C1orf21: variants seen among roughly 807,000 people sequenced by gnomAD.
C1orf21 encodes uncharacterized protein C1orf21.
In C1orf21, 3 loss-of-function variants were observed where a neutral mutation model predicts 18.7. The observed-to-expected ratio is 0.16, with a 90% CI of 0.07 to 0.42. The LOEUF is 0.42. C1orf21 is among the 10% of genes least tolerant of loss of function. C1orf21 has a pLI of 0.99. For synonymous variants in C1orf21, 41 were observed against 46.4 expected, an observed-to-expected ratio of 0.88 and a Z score of 0.47; for missense variants, 104 against 143.6, an observed-to-expected ratio of 0.72 and a Z score of 1.41.
chr1:184,623,468 G>A lies in C1orf21; in HGVS notation c.*3912G>A, dbSNP rs1659956925. Reference sequence around the variant, plus strand: ...TATGTCTTCGTACCTCTCAGAGATTGGACTTTTTCTTGTTTAAAACCCCAA... The same window carrying A: ...TATGTCTTCGTACCTCTCAGAGATTAGACTTTTTCTTGTTTAAAACCCCAA... On this transcript the variant is annotated 3_prime_UTR_variant, in exon 6 of 6. Transcript: ENST00000235307. 1 of 152,062 alleles carries A rather than the reference G, an allele frequency of 6.6e-6. No homozygotes were observed. The highest frequency in any genetic ancestry group is 2.4e-5 in the African/African-American group (1 of 41,402). The allele number at this position is 152,062 out of a possible 1,614,324, so 9.4% of individuals were successfully genotyped here. A position where few individuals can be genotyped will look rare whatever the true frequency, so the allele number is the denominator to read the frequency against.
intron 1 of C1orf21, among the ~76,000 whole-genome samples, chr1:184,431,914 A>T (rs923159217): frequency 1.3e-5 from 2 of 152,264 alleles, no homozygotes; most frequent in Non-Finnish European, 2.9e-5. Context: ...GCAAACAAAC[A>T]TGAAAAAATG....
chr1:184,502,804 A>G (rs995601770), intron 2 of C1orf21, among the ~76,000 whole-genome samples: 1 of 152,110 alleles, frequency 6.6e-6, no homozygotes, highest in African/African-American at 2.4e-5. Flanking sequence ...GTGGCCATGC[A>G]TGATGGCTTA....
intron 3 of C1orf21, among the ~76,000 whole-genome samples, chr1:184,571,891 T>G (rs2101990306): frequency 6.8e-6 from 1 of 146,948 alleles, no homozygotes; most frequent in South Asian, 2.2e-4. Context: ...TGGCCTTGTT[T>G]CCTTGATGTT....
chr1:184,589,013 CT>C (rs1471521917), intron 3 of C1orf21, among the ~76,000 whole-genome samples: 1 of 152,068 alleles, frequency 6.6e-6, no homozygotes, highest in African/African-American at 2.4e-5. Context: ...TTAAGAAAGA[CT>C]TGCTGAGGCA....
chr1:184,562,049 A>T (rs991953709), intron 3 of C1orf21, among the ~76,000 whole-genome samples: 3 of 151,864 alleles, frequency 2.0e-5, no homozygotes, highest in African/African-American at 7.3e-5. Flanking sequence ...TAGTAGTTTC[A>T]TTGTTGCCAA....
intron 3 of C1orf21, among the ~76,000 whole-genome samples, chr1:184,579,937 C>A (rs1484389784): frequency 6.6e-6 from 1 of 152,116 alleles, no homozygotes; most frequent in South Asian, 2.1e-4. Context: ...AAAACTCTTG[C>A]AAAATTGCCC....
At position 184,623,626 on chromosome 1, in the gene C1orf21, A is replaced by G. The variant is rs1659959679; in HGVS notation, c.*4070A>G. 6.6e-6 allele frequency: 1 copy of G among 152,464 alleles called. No individual in the cohort carries two copies. Among genetic ancestry groups the G allele is most frequent in the African/African-American group, 2.4e-5 (1 of 41,436 alleles). 9.4% of individuals were successfully genotyped at this position (152,464 alleles called of 1,614,324 possible). On this transcript the variant is annotated 3_prime_UTR_variant, in exon 6 of 6. Transcript: ENST00000235307. ...ATGCCTGGACTCCAGTGTGCCTGTG[A>G]GGGGCTGGGTTAGGCAGTCGGCTGT... is the stretch of plus-strand genomic sequence containing the variant.
intron 1 of C1orf21, among the ~76,000 whole-genome samples, chr1:184,418,733 C>T (rs568705957): frequency 6.6e-6 from 1 of 152,186 alleles, no homozygotes; most frequent in Non-Finnish European, 1.5e-5. Context: ...TCAGGCACTA[C>T]AGAAGGCTTG....
chr1:184,422,094 C>A (rs1656555078), intron 1 of C1orf21, among the ~76,000 whole-genome samples: 1 of 152,080 alleles, frequency 6.6e-6, no homozygotes, highest in African/African-American at 2.4e-5. Flanking sequence ...ATGGCTTTGG[C>A]TGATGGATAA....
intron 3 of C1orf21, among the ~76,000 whole-genome samples, chr1:184,549,470 T>C (rs1658781672): frequency 6.6e-6 from 1 of 151,996 alleles, no homozygotes; most frequent in African/African-American, 2.4e-5. Context: ...GTATTAAATA[T>C]ATAAAGTTAC....
At chr1:184,473,504 T>C (rs947828828) in intron 1 of C1orf21, among the ~76,000 whole-genome samples, 1 of 152,170 alleles carries the variant, frequency 6.6e-6, no homozygotes, top group African/African-American at 2.4e-5. Context: ...AAGGATAGCA[T>C]AAACTGAAGG....
At chr1:184,564,755 TG>T (rs1659012352) in intron 3 of C1orf21, among the ~76,000 whole-genome samples, 1 of 152,190 alleles carries the variant, frequency 6.6e-6, no homozygotes, top group African/African-American at 2.4e-5. Flanking sequence ...GCTCAGGAAT[TG>T]CTAGCACTAG....
chr1:184,505,363 G>C (rs1043981472), intron 2 of C1orf21, among the ~76,000 whole-genome samples: 2 of 87,160 alleles, frequency 2.3e-5, no homozygotes, highest in East Asian at 3.1e-4. Flanking sequence ...TATATATATA[G>C]ACATGTATAT....
chr1:184,447,536 G>C (rs894087536), intron 1 of C1orf21, among the ~76,000 whole-genome samples: 1 of 152,152 alleles, frequency 6.6e-6, no homozygotes, highest in Non-Finnish European at 1.5e-5. Flanking sequence ...GTATGTTTGG[G>C]TGTCAGTTTT....
intron 1 of C1orf21, among the ~76,000 whole-genome samples, chr1:184,440,707 G>A (rs1445362275): frequency 6.6e-6 from 1 of 152,178 alleles, no homozygotes; most frequent in Non-Finnish European, 1.5e-5. Flanking sequence ...ATACTTACAG[G>A]ACAGAGGAGA....
Position 184,410,622 on chromosome 1 carries a change from T to TGGCA in C1orf21, c.-125+23254_-125+23255insGGCA, listed in dbSNP as rs1188869946. The stretch of plus-strand genomic sequence containing the variant: ...AGATTAATTTGCCATATATATTATA[T>TGGCA]ATATATATATATATATATATATATA... On this transcript the variant is annotated intron_variant, in intron 1 of 5. Transcript: ENST00000235307. 3.8e-3 allele frequency among the ~76,000 whole-genome samples: 14 copies of TGGCA among 3,670 alleles called. 4 individuals carry two copies. The African/African-American group carries it at 0.084, about 22-fold the overall frequency. The allele number at this position is 3,670 out of a possible 152,430, so 2.4% of individuals were successfully genotyped here.
At chr1:184,419,969 T>A (rs988120879) in intron 1 of C1orf21, among the ~76,000 whole-genome samples, 1 of 152,174 alleles carries the variant, frequency 6.6e-6, no homozygotes, top group African/African-American at 2.4e-5. Context: ...TATTCTGCCT[T>A]AGTTTTTATA....
rs76733173 is a variant in C1orf21 at position 184,533,364 on chromosome 1, A to G, written c.189+25682A>G. ...CTAGGCCCCTACTTCTAGGTGGTTA[A>G]TAGCTGTTTCCCCAGTACCTAGCCT... is the stretch of plus-strand genomic sequence containing the variant. On this transcript the variant is annotated intron_variant, in intron 3 of 5. Transcript: ENST00000235307. Among the ~76,000 whole-genome samples the G allele has an allele frequency of 9.9e-5, 15 of 152,270 alleles. No homozygotes were observed. The East Asian group carries it at 2.9e-3, about 29-fold the overall frequency.
rs1431512021 is a variant in C1orf21 at position 184,628,697 on chromosome 1, CAG to C, written c.*9144_*9145del. The C allele has an allele frequency of 6.6e-6, 1 of 152,624 alleles. No individual in the cohort carries two copies. Among genetic ancestry groups the C allele is most frequent in the Non-Finnish European group, 1.5e-5 (1 of 68,036 alleles). The allele number at this position is 152,624 out of a possible 1,614,324, so 9.5% of individuals were successfully genotyped here. On this transcript the variant is annotated 3_prime_UTR_variant, in exon 6 of 6. Transcript: ENST00000235307. The stretch of plus-strand genomic sequence containing the variant: ...CTAAGCAAAAGTCAGGTACACTGGA[CAG>C]AGCCATGCGATTGATTGTTCATCTT...
Sources: allele counts gnomAD v4.1 joint callset (sites outside exome capture counted in the v4.1 genomes callset), GRCh38; gene constraint gnomAD v4.1.1; transcripts MANE v1.5; gene names NCBI Gene and HGNC (gene_info 2026-07-23, HGNC 2026-07-21).